CHRM5: variants seen among roughly 807,000 people sequenced by gnomAD.
CHRM5 encodes the protein cholinergic receptor muscarinic 5.
A neutral mutation model predicts 39.0 loss-of-function variants in CHRM5; 18 were observed. The observed-to-expected ratio is 0.46, with a 90% CI of 0.32 to 0.68. The LOEUF (loss-of-function observed/expected upper bound fraction) is 0.68, where lower values mean the gene tolerates loss of function less well. Among genes scored for constraint, CHRM5 ranks in the 30% least tolerant of loss-of-function variants. CHRM5 has a pLI of 0.04. For synonymous variants in CHRM5, 241 were observed against 246.3 expected, an observed-to-expected ratio of 0.98 and a Z score of 0.20; for missense variants, 515 against 651.1, an observed-to-expected ratio of 0.79 and a Z score of 2.28.
intron 1 of CHRM5, chr15:34,003,071 G>A: frequency 5.6e-6 from 9 of 1,614,000 alleles, no homozygotes; most frequent in Non-Finnish European, 7.6e-6. Context: ...GTTCCCCTCT[G>A]TGACTCTCCA....
intron 1 of CHRM5, among the ~76,000 whole-genome samples, chr15:33,998,974 G>C (rs1597331461): frequency 6.6e-6 from 1 of 152,188 alleles, no homozygotes; most frequent in South Asian, 2.1e-4. Context: ...CCTGGATCCT[G>C]AACCCCACAT....
intron 1 of CHRM5, among the ~76,000 whole-genome samples, chr15:33,983,194 G>A (rs12910307): frequency 3.6e-5 from 2 of 55,716 alleles, no homozygotes; most frequent in African/African-American, 1.7e-4. Context: ...GTGTGTGTAT[G>A]TGTGTGTATA....
chr15:33,987,568 C>G (rs920541540), intron 1 of CHRM5, among the ~76,000 whole-genome samples: 2 of 152,188 alleles, frequency 1.3e-5, no homozygotes, highest in East Asian at 1.9e-4. Context: ...CTCAGGCCAG[C>G]GAACAATGGT....
chr15:34,032,808 T>A (rs1430058203), intron 1 of CHRM5, among the ~76,000 whole-genome samples: 2 of 152,214 alleles, frequency 1.3e-5, no homozygotes, highest in Non-Finnish European at 2.9e-5. Context: ...AACAATAGGA[T>A]AATTTTAAAT....
chr15:34,038,434 A>C (rs1359352279), intron 1 of CHRM5, among the ~76,000 whole-genome samples: 1 of 152,100 alleles, frequency 6.6e-6, no homozygotes, highest in African/African-American at 2.4e-5. Context: ...TGGTACTCGT[A>C]CAGACAGCCC....
At chr15:34,034,967 A>T (rs2702305) in intron 1 of CHRM5, among the ~76,000 whole-genome samples, 148,750 of 152,334 alleles carry the variant, frequency 0.98, 72,726 homozygotes, top group East Asian at 1. Context: ...CTGGCTGACA[A>T]GCGGCTGGTG....
At chr15:33,980,893 C>G (rs1389092841) in intron 1 of CHRM5, among the ~76,000 whole-genome samples, 2 of 152,168 alleles carry the variant, frequency 1.3e-5, no homozygotes, top group African/African-American at 4.8e-5. Flanking sequence ...CTAAATGTAG[C>G]CTGCCCTAAA....
Position 34,063,732 on chromosome 15 carries a change from G to A in CHRM5, c.1015G>A (p.Ala339Thr), listed in dbSNP as rs1330925349. Reference protein sequence around the residue: ...GKESPGEEFSAEETEETFVKA... With the variant: ...GKESPGEEFSTEETEETFVKA... ...GGAAAGCCCAGGGGAAGAATTCAGT[G>A]CTGAAGAGACTGAGGAAACTTTTGT... is the stretch of plus-strand genomic sequence containing the variant. The change falls in exon 3 of 3, where the codon GCT (alanine) becomes ACT (threonine). Residue 339 changes from alanine (A) to threonine (T), a missense_variant. Ala to Thr is a moderately conservative substitution (Grantham distance 58). Transcript: ENST00000383263. The surrounding 1 kb of genome is among the most constrained non-coding windows in gnomAD (Gnocchi z 4.1). 6.2e-7 allele frequency: 1 copy of A among 1,614,116 alleles called. No individual in the cohort carries two copies. Among genetic ancestry groups the A allele is most frequent in the Non-Finnish European group, 8.5e-7 (1 of 1,180,062 alleles).
intron 2 of CHRM5, among the ~76,000 whole-genome samples, chr15:34,055,907 A>G (rs928034069): frequency 1.3e-5 from 2 of 152,224 alleles, no homozygotes; most frequent in African/African-American, 2.4e-5. Flanking sequence ...ATTCATATGC[A>G]TATTAAATTT....
In CHRM5 at chr15:34,046,728, A is replaced by C. The variant is rs945843992; in HGVS notation, c.-219A>C. 1.3e-5 allele frequency: 2 copies of C among 152,258 alleles called. No homozygotes were observed. Among genetic ancestry groups the C allele is most frequent in the South Asian group, 4.1e-4 (2 of 4,836 alleles). 9.4% of individuals were successfully genotyped at this position (152,258 alleles called of 1,614,324 possible). A position where few individuals can be genotyped will look rare whatever the true frequency, so the allele number is the denominator to read the frequency against. ...AGGTGTGAGTGAATACAGCGCCTTC[A>C]ACTGAAATATCCAGGTTCTCGCTTT... On this transcript the variant is annotated 5_prime_UTR_variant, in exon 2 of 3. Transcript: ENST00000383263.
Position 33,969,100 on chromosome 15 carries a change from C to G in CHRM5, c.-458C>G, listed in dbSNP as rs1895518330. On this transcript the variant is annotated 5_prime_UTR_variant, in exon 1 of 3. Transcript: ENST00000383263. ...AAGGCATTTTGGGTCTCGAAGCTTA[C>G]TATTTCCAGCCAGAGTTCAAATTAC... 1 of 152,080 alleles carries G rather than the reference C, an allele frequency of 6.6e-6. No individual in the cohort carries two copies. Among genetic ancestry groups the G allele is most frequent in the African/African-American group, 2.4e-5 (1 of 41,434 alleles). The allele number at this position is 152,080 out of a possible 1,614,324, so 9.4% of individuals were successfully genotyped here. A position where few individuals can be genotyped will look rare whatever the true frequency, so the allele number is the denominator to read the frequency against.
chr15:34,062,623 T>A lies in CHRM5; in HGVS notation c.-75-20T>A. 1 of 1,116,074 alleles carries A rather than the reference T, an allele frequency of 9.0e-7. No homozygotes were observed. Among genetic ancestry groups the A allele is most frequent in the Non-Finnish European group, 1.3e-6 (1 of 777,408 alleles). 69.1% of individuals were successfully genotyped at this position (1,116,074 alleles called of 1,614,324 possible). The stretch of plus-strand genomic sequence containing the variant: ...AAATCATGCTGGTGTGCGAAGCTAA[T>A]GTGTTTCCCTCTCTTCCAGATGCTG... On this transcript the variant is annotated intron_variant, in intron 2 of 2. Coordinates refer to ENST00000383263, the MANE Select transcript of CHRM5 (RefSeq NM_012125.4).
chr15:33,978,006 A>AAGGG (rs139136537), intron 1 of CHRM5, among the ~76,000 whole-genome samples: 9 of 137,174 alleles, frequency 6.6e-5, no homozygotes, highest in Non-Finnish European at 1.1e-4. Context: ...GGAAGAGAGG[A>AAGGG]AGGGAGGGAG....
intron 1 of CHRM5, among the ~76,000 whole-genome samples, chr15:33,981,905 G>C (rs1896165969): frequency 6.6e-6 from 1 of 152,128 alleles, no homozygotes; most frequent in South Asian, 2.1e-4. Flanking sequence ...CGCGATCTTG[G>C]CTCACTCCAA....
chr15:34,038,926 CGCCGCCGCCTCT>C (rs965089645), intron 1 of CHRM5: 9 of 928,928 alleles, frequency 9.7e-6, no homozygotes, highest in African/African-American at 8.8e-5. Flanking sequence ...CCGCCGCCTC[CGCCGCCGCCTCT>C]GGCTACCGCC....
rs532389457 is a variant in CHRM5, at chr15:34,064,416, C to G, written c.*100C>G. 3 of 1,379,348 alleles carry G rather than the reference C, an allele frequency of 2.2e-6. No individual in the cohort carries two copies. In the Admixed American group the frequency reaches 8.6e-5, roughly 39 times the overall value. The allele number at this position is 1,379,348 out of a possible 1,614,324, so 85.4% of individuals were successfully genotyped here. On this transcript the variant is annotated 3_prime_UTR_variant, in exon 3 of 3. Transcript: ENST00000383263. The stretch of plus-strand genomic sequence containing the variant: ...TTGTATATTTTCAAAAAGAAGACAT[C>G]TCATTTTGAGTCCTTGAAGATTTTT...
chr15:34,044,066 C>T (rs970110412), intron 1 of CHRM5, among the ~76,000 whole-genome samples: 4 of 151,008 alleles, frequency 2.6e-5, no homozygotes, highest in African/African-American at 9.8e-5. Flanking sequence ...AGCATACAAG[C>T]ATGCTGTATT....
intron 2 of CHRM5, among the ~76,000 whole-genome samples, chr15:34,058,009 A>T (rs1900216540): frequency 6.6e-6 from 1 of 152,168 alleles, no homozygotes; most frequent in Non-Finnish European, 1.5e-5. Context: ...GGGCTAGCAA[A>T]TCTGAAATCT....
At chr15:34,019,544 T>G (rs1898111719) in intron 1 of CHRM5, among the ~76,000 whole-genome samples, 1 of 152,234 alleles carries the variant, frequency 6.6e-6, no homozygotes. Flanking sequence ...ACTCACTCAC[T>G]GACTCACTCA....
Sources: allele counts gnomAD v4.1 joint callset (sites outside exome capture counted in the v4.1 genomes callset), GRCh38; gene constraint gnomAD v4.1.1; non-coding constraint Gnocchi (gnomAD v3.1); transcripts MANE v1.5; gene names NCBI Gene and HGNC (gene_info 2026-07-23, HGNC 2026-07-21).